The following ENTREP2 variants were observed in gnomAD, a reference collection of about 807,000 sequenced individuals.
ENTREP2 encodes the protein protein ENTREP2.
At chr15:29,390,039 G>A in the ENTREP2 span, among the ~76,000 whole-genome samples, 4 of 152,022 alleles carry the variant, frequency 2.6e-5, no homozygotes, top group Non-Finnish European at 2.9e-5. Context: ...AATGGCTTGA[G>A]GGAGGCTTTT....
At chr15:29,516,483 CACA>C in the ENTREP2 span, among the ~76,000 whole-genome samples, 1 of 152,036 alleles carries the variant, frequency 6.6e-6, no homozygotes, top group Non-Finnish European at 1.5e-5. Flanking sequence ...TTGAAGTGTA[CACA>C]ACAATACTAC....
the ENTREP2 span, among the ~76,000 whole-genome samples, chr15:29,468,787 C>T: frequency 1.3e-5 from 2 of 152,096 alleles, no homozygotes; most frequent in African/African-American, 2.4e-5. Context: ...CCAACACATA[C>T]ATTTTTAACA....
the ENTREP2 span, among the ~76,000 whole-genome samples, chr15:29,364,216 T>C: frequency 6.6e-6 from 1 of 152,230 alleles, no homozygotes; most frequent in Non-Finnish European, 1.5e-5. Flanking sequence ...GAATGGATTA[T>C]GCCTTACTAA....
At chr15:29,196,411 C>T in the ENTREP2 span, 1 of 1,548,288 alleles carries the variant, frequency 6.5e-7, no homozygotes, top group Non-Finnish European at 8.7e-7. Context: ...CATGCACAAG[C>T]AGCGCCCAGC....
At chr15:29,162,831 C>T in the ENTREP2 span, among the ~76,000 whole-genome samples, 2 of 152,104 alleles carry the variant, frequency 1.3e-5, no homozygotes, top group Non-Finnish European at 2.9e-5. Flanking sequence ...GAAAGCGCCA[C>T]CTCACAGCAG....
chr15:29,416,939 A>C, the ENTREP2 span, among the ~76,000 whole-genome samples: 1 of 152,254 alleles, frequency 6.6e-6, no homozygotes, highest in African/African-American at 2.4e-5. Context: ...TCAAAACCAC[A>C]ATGAGATACC....
the ENTREP2 span, among the ~76,000 whole-genome samples, chr15:29,168,201 T>C: frequency 6.6e-6 from 1 of 152,262 alleles, no homozygotes; most frequent in East Asian, 1.9e-4. Flanking sequence ...GGGAAAGGGA[T>C]AAAAGACTAC....
At chr15:29,591,832 G>GAGGAGAAGAAGAAGAAGAAGA in the ENTREP2 span, among the ~76,000 whole-genome samples, 7 of 140,096 alleles carry the variant, frequency 5.0e-5, no homozygotes, top group Non-Finnish European at 6.1e-5. Context: ...CATCTCAAAA[G>GAGGAGAAGAAGAAGAAGAAGA]AGAAGAAGAA....
At chr15:29,188,828 C>T in the ENTREP2 span, among the ~76,000 whole-genome samples, 575 of 152,240 alleles carry the variant, frequency 3.8e-3, 2 homozygotes, top group African/African-American at 0.013. Context: ...AGGCTGGAAA[C>T]GGAGTTAAAA....
chr15:29,449,296 G>A, the ENTREP2 span, among the ~76,000 whole-genome samples: 3 of 152,168 alleles, frequency 2.0e-5, no homozygotes, highest in Admixed American at 2.0e-4. Flanking sequence ...AAGCAACCAG[G>A]GACAGGACAA....
chr15:29,161,091 T>A, the ENTREP2 span, among the ~76,000 whole-genome samples: 4 of 152,188 alleles, frequency 2.6e-5, no homozygotes, highest in African/African-American at 7.2e-5. Context: ...TCCGTGCAGA[T>A]CTATGTTGGG....
At chr15:29,197,986 A>G in the ENTREP2 span, among the ~76,000 whole-genome samples, 1 of 152,194 alleles carries the variant, frequency 6.6e-6, no homozygotes, top group Non-Finnish European at 1.5e-5. Context: ...GACTGAGGCC[A>G]TACTTATAAA....
At chr15:29,140,823 C>T in the ENTREP2 span, among the ~76,000 whole-genome samples, 1 of 152,202 alleles carries the variant, frequency 6.6e-6, no homozygotes, top group East Asian at 1.9e-4. Flanking sequence ...TGTGAACAGT[C>T]CCTTCTTTCC....
the ENTREP2 span, among the ~76,000 whole-genome samples, chr15:29,160,109 G>A: frequency 2.0e-5 from 3 of 152,328 alleles, no homozygotes; most frequent in South Asian, 6.2e-4. Context: ...GAGCACAGCA[G>A]CTGCTGGCCC....
the ENTREP2 span, among the ~76,000 whole-genome samples, chr15:29,468,570 A>G: frequency 6.9e-6 from 1 of 144,678 alleles, no homozygotes; most frequent in African/African-American, 2.6e-5. Flanking sequence ...AGATTGCCCC[A>G]TTGTACTCCA....
the ENTREP2 span, among the ~76,000 whole-genome samples, chr15:29,468,785 T>C: frequency 1.3e-5 from 2 of 152,182 alleles, no homozygotes; most frequent in South Asian, 2.1e-4. Context: ...AGCCAACACA[T>C]ACATTTTTAA....
chr15:29,600,462 A>ATC, the ENTREP2 span, among the ~76,000 whole-genome samples: 4 of 149,478 alleles, frequency 2.7e-5, no homozygotes, highest in Non-Finnish European at 4.4e-5. Context: ...CATCATCATC[A>ATC]TCATCATCAA....
chr15:29,405,019 A>G, the ENTREP2 span, among the ~76,000 whole-genome samples: 1 of 152,088 alleles, frequency 6.6e-6, no homozygotes. Context: ...CTACTGTAAG[A>G]GCCCTACAAA....
At chr15:29,379,472 G>A in the ENTREP2 span, among the ~76,000 whole-genome samples, 2 of 152,214 alleles carry the variant, frequency 1.3e-5, no homozygotes, top group Admixed American at 1.3e-4. Context: ...TCTGCCTGGG[G>A]CTTGGGAAGA....
Sources: gnomAD v4.1 joint callset for allele counts (sites outside exome capture counted in the v4.1 genomes callset) on GRCh38, gnomAD v4.1.1 for gene constraint, MANE v1.5 for transcripts, NCBI Gene and HGNC (gene_info 2026-07-23, HGNC 2026-07-21) for gene names.